FRMD3: variants seen among roughly 807,000 people sequenced by gnomAD.
FRMD3 encodes the protein FERM domain-containing protein 3.
A neutral mutation model predicts 70.2 loss-of-function variants in FRMD3; 33 were observed. The observed-to-expected ratio is 0.47, with a 90% CI of 0.36 to 0.63. The LOEUF (loss-of-function observed/expected upper bound fraction) is 0.63. Ranked by LOEUF, FRMD3 falls within the 20% of genes least tolerant of loss-of-function variation. The pLI is 0.00. For synonymous variants in FRMD3, 279 were observed against 255.9 expected, an observed-to-expected ratio of 1.09 and a Z score of -0.86; for missense variants, 632 against 711.4, an observed-to-expected ratio of 0.89 and a Z score of 1.27.
At chr9:83,360,130 C>A (rs951273354) in intron 3 of FRMD3, among the ~76,000 whole-genome samples, 4 of 152,082 alleles carry the variant, frequency 2.6e-5, no homozygotes, top group African/African-American at 7.2e-5. Context: ...GCCGAGGGTA[C>A]AATGACCTAA....
chr9:83,314,658 A>G (rs1835494332), intron 6 of FRMD3, among the ~76,000 whole-genome samples: 1 of 151,856 alleles, frequency 6.6e-6, no homozygotes, highest in Admixed American at 6.6e-5. Context: ...GCCCTTCACA[A>G]TCTCTTTACC....
At position 83,247,264 on chromosome 9, in the gene FRMD3, G is replaced by T; in HGVS notation, c.*654C>A. 1 of 984,766 alleles carries T rather than the reference G, an allele frequency of 1.0e-6. No individual in the cohort carries two copies. Among genetic ancestry groups the T allele is most frequent in the Non-Finnish European group, 1.2e-6 (1 of 829,744 alleles). The allele number at this position is 984,766 out of a possible 1,614,324, so 61.0% of individuals were successfully genotyped here. A position where few individuals can be genotyped will look rare whatever the true frequency, so the allele number is the denominator to read the frequency against. Reference sequence around the variant, plus strand: ...CCTATGCAGATCATAACAAATTATGGTATTGTTCAGCCAAAAATATTTTTA... The same window carrying T: ...CCTATGCAGATCATAACAAATTATGTTATTGTTCAGCCAAAAATATTTTTA... On this transcript the variant is annotated 3_prime_UTR_variant, in exon 14 of 14. Coordinates refer to ENST00000304195, the MANE Select transcript of FRMD3 (RefSeq NM_174938.6).
At chr9:83,256,525 C>T (rs898510943) in intron 13 of FRMD3, among the ~76,000 whole-genome samples, 1 of 152,058 alleles carries the variant, frequency 6.6e-6, no homozygotes, top group African/African-American at 2.4e-5. Flanking sequence ...CAAATGGGAT[C>T]TAATTAAACT....
At chr9:83,259,321 G>A (rs747608256) in intron 13 of FRMD3, among the ~76,000 whole-genome samples, 4 of 152,250 alleles carry the variant, frequency 2.6e-5, no homozygotes, top group Admixed American at 2.0e-4. Flanking sequence ...CAACCTCTGG[G>A]TAAATTCAGG....
chr9:83,411,294 G>GTAT (rs1468797046), intron 1 of FRMD3, among the ~76,000 whole-genome samples: 8 of 152,194 alleles, frequency 5.3e-5, no homozygotes, highest in African/African-American at 1.9e-4. Flanking sequence ...CTATGAAAAT[G>GTAT]TATTCATCCT....
chr9:83,563,497 C>A, the FRMD3 span, among the ~76,000 whole-genome samples: 8 of 152,140 alleles, frequency 5.3e-5, no homozygotes, highest in African/African-American at 1.9e-4. Flanking sequence ...GCTGGGCTCC[C>A]AGCTGGCTTG....
In FRMD3 at chr9:83,538,275, C is replaced by T; in HGVS notation, c.-44G>A. On this transcript the variant is annotated 5_prime_UTR_variant, in exon 1 of 14. Coordinates refer to ENST00000304195, the MANE Select transcript of FRMD3 (RefSeq NM_174938.6). This position sits in a 1 kb window ranked among gnomAD's most constrained non-coding sequence, Gnocchi z 4.7. ...GCGAGCGGGAGGCTCAGGGCCGGCG[C>T]GGTGCTCGCCTGCGCGGACACACAC... 2 of 1,522,024 alleles carry T rather than the reference C, an allele frequency of 1.3e-6. No individual in the cohort carries two copies. The highest frequency in any genetic ancestry group is 1.8e-6 in the Non-Finnish European group (2 of 1,134,658). The allele number at this position is 1,522,024 out of a possible 1,614,324, so 94.3% of individuals were successfully genotyped here.
chr9:83,328,181 T>TAAAAAA (rs373851850), intron 6 of FRMD3, among the ~76,000 whole-genome samples: 1 of 143,362 alleles, frequency 7.0e-6, no homozygotes. Context: ...TCCTTATCTG[T>TAAAAAA]AAAAAAAAAA....
intron 1 of FRMD3, among the ~76,000 whole-genome samples, chr9:83,461,880 T>C (rs1827986142): frequency 6.6e-6 from 1 of 151,714 alleles, no homozygotes; most frequent in South Asian, 2.1e-4. Context: ...TAGAGATGGG[T>C]TTCGCCATGT....
the FRMD3 span, among the ~76,000 whole-genome samples, chr9:83,545,342 T>G: frequency 6.9e-6 from 1 of 145,364 alleles, no homozygotes. Context: ...CAGAGAAAAG[T>G]GTTGTTTTTT....
chr9:83,393,617 C>T (rs74350605), intron 1 of FRMD3, among the ~76,000 whole-genome samples: 5,547 of 151,904 alleles, frequency 0.037, 174 homozygotes, highest in East Asian at 0.17. Context: ...TGGTGGGAGA[C>T]AGTGACAGAT....
chr9:83,575,313 A>G, the FRMD3 span, among the ~76,000 whole-genome samples: 1 of 152,184 alleles, frequency 6.6e-6, no homozygotes, highest in Non-Finnish European at 1.5e-5. Context: ...TCTGCCTCCC[A>G]TATGTACTCT....
intron 3 of FRMD3, among the ~76,000 whole-genome samples, chr9:83,359,770 G>C (rs1824524227): frequency 6.6e-6 from 1 of 152,110 alleles, no homozygotes; most frequent in South Asian, 2.1e-4. Flanking sequence ...TGGTGACTAG[G>C]TGTGGCCTGC....
intron 2 of FRMD3, among the ~76,000 whole-genome samples, chr9:83,384,287 TACC>T (rs1245654957): frequency 6.6e-6 from 1 of 152,190 alleles, no homozygotes; most frequent in Non-Finnish European, 1.5e-5. Context: ...AAATCTTAGG[TACC>T]ACTCTTGCTC....
intron 13 of FRMD3, among the ~76,000 whole-genome samples, chr9:83,252,918 A>G (rs1408960513): frequency 2.0e-5 from 3 of 152,202 alleles, no homozygotes; most frequent in Non-Finnish European, 4.4e-5. Flanking sequence ...ACTCTACACA[A>G]TAATAGTGGG....
At chr9:83,315,898 G>A (rs1385191612) in intron 6 of FRMD3, among the ~76,000 whole-genome samples, 1 of 152,154 alleles carries the variant, frequency 6.6e-6, no homozygotes, top group African/African-American at 2.4e-5. Context: ...TGCTTCAAAT[G>A]TAGTTGCCCA....
intron 1 of FRMD3, among the ~76,000 whole-genome samples, chr9:83,476,691 G>A (rs1313517998): frequency 6.6e-6 from 1 of 152,188 alleles, no homozygotes; most frequent in Non-Finnish European, 1.5e-5. Context: ...AATATAGCCA[G>A]TGCAACTGGA....
intron 13 of FRMD3, among the ~76,000 whole-genome samples, chr9:83,252,445 G>A (rs2209191): frequency 0.81 from 122,953 of 152,150 alleles, 49,805 homozygotes; most frequent in East Asian, 0.96. Context: ...TGGTGATACT[G>A]TGAACCAACC....
chr9:83,376,611 C>CTTTT (rs5898828), intron 2 of FRMD3, among the ~76,000 whole-genome samples: 23 of 131,992 alleles, frequency 1.7e-4, no homozygotes, highest in African/African-American at 6.4e-4. Context: ...TGCTATATTC[C>CTTTT]TTTTTTTTTT....
Sources: allele counts gnomAD v4.1 joint callset (sites outside exome capture counted in the v4.1 genomes callset), GRCh38; gene constraint gnomAD v4.1.1; non-coding constraint Gnocchi (gnomAD v3.1); transcripts MANE v1.5; gene names NCBI Gene and HGNC (gene_info 2026-07-23, HGNC 2026-07-21).